The following STPG4 variants were observed in gnomAD, a reference collection of about 807,000 sequenced individuals.
STPG4 encodes sperm-tail PG-rich repeat containing 4.
Under a neutral mutation model 31.5 loss-of-function variants are expected in STPG4, and 41 were observed. The observed-to-expected ratio is 1.30, with a 90% confidence interval of 1.01 to 1.69. The LOEUF is 1.69. Among genes scored for constraint, STPG4 ranks in the 40% most tolerant of loss-of-function variants. The pLI, the probability that STPG4 is intolerant of heterozygous loss-of-function variation, is 0.00. For synonymous variants in STPG4, 141 were observed against 103.0 expected, an observed-to-expected ratio of 1.37 and a Z score of -2.24; for missense variants, 375 against 293.4, an observed-to-expected ratio of 1.28 and a Z score of -2.03.
intron 3 of STPG4, among the ~76,000 whole-genome samples, chr2:47,148,595 T>C (rs1202735603): frequency 6.6e-6 from 1 of 152,196 alleles, no homozygotes; most frequent in Non-Finnish European, 1.5e-5. Context: ...GTTTGTTACA[T>C]ATGTATACAT....
At chr2:47,115,934 G>A (rs1686145127) in intron 5 of STPG4, among the ~76,000 whole-genome samples, 1 of 152,176 alleles carries the variant, frequency 6.6e-6, no homozygotes, top group East Asian at 1.9e-4. Flanking sequence ...GATGACAGGC[G>A]TGAGCCACCA....
intron 3 of STPG4, among the ~76,000 whole-genome samples, chr2:47,148,846 C>T (rs1228332703): frequency 6.6e-6 from 1 of 152,156 alleles, no homozygotes; most frequent in African/African-American, 2.4e-5. Context: ...CATGTCCCTA[C>T]AAAAGACATG....
At chr2:47,150,241 A>C (rs1686909187) in intron 3 of STPG4, among the ~76,000 whole-genome samples, 1 of 152,234 alleles carries the variant, frequency 6.6e-6, no homozygotes. Flanking sequence ...TAAGCCACGG[A>C]GCTTTCCAGC....
chr2:47,150,620 A>G (rs1686915331), intron 3 of STPG4, among the ~76,000 whole-genome samples: 1 of 150,748 alleles, frequency 6.6e-6, no homozygotes, highest in Non-Finnish European at 1.5e-5. Context: ...GGCTCAAGGG[A>G]TCCTCCTGCC....
chr2:47,102,081 G>C (rs1685813121), intron 5 of STPG4, among the ~76,000 whole-genome samples: 1 of 151,804 alleles, frequency 6.6e-6, no homozygotes, highest in Middle Eastern at 3.2e-3. Flanking sequence ...CATGTGGTCT[G>C]GGAGGAAAAC....
intron 5 of STPG4, among the ~76,000 whole-genome samples, chr2:47,115,495 T>C (rs572333299): frequency 4.1e-4 from 63 of 152,164 alleles, no homozygotes; most frequent in Non-Finnish European, 6.2e-4. Context: ...TGGCTAAATA[T>C]AGAATCCTAA....
At chr2:47,099,817 A>G (rs1685753088) in intron 5 of STPG4, among the ~76,000 whole-genome samples, 3 of 152,222 alleles carry the variant, frequency 2.0e-5, no homozygotes, top group Non-Finnish European at 2.9e-5. Flanking sequence ...GGTGGGCCCC[A>G]CACTCAGAGC....
Position 47,150,649 on chromosome 2 carries a change from A to AT in STPG4, c.399+608dup, listed in dbSNP as rs58432759. Among the ~76,000 whole-genome samples, 1,071 of 144,242 alleles carry AT rather than the reference A, an allele frequency of 7.4e-3. 6 individuals are homozygous for AT. The highest frequency in any genetic ancestry group is 0.012 in the Non-Finnish European group (791 of 65,716). The allele number at this position is 144,242 out of a possible 152,430, so 94.6% of individuals were successfully genotyped here. On this transcript the variant is annotated intron_variant, in intron 3 of 6. Transcript: ENST00000445927. ...TCCTGCCCTGGCTTCCCAAGTAGCT[A>AT]TTTTTTTTTTTTTTTTAAAGAGTTG...
At chr2:47,148,356 G>A (rs1007988489) in intron 3 of STPG4, among the ~76,000 whole-genome samples, 1 of 151,322 alleles carries the variant, frequency 6.6e-6, no homozygotes, top group African/African-American at 2.4e-5. Context: ...GGGATCAATC[G>A]TACCCCAAAC....
Position 47,087,138 on chromosome 2 carries a change from C to G in STPG4, c.625-8G>C. On this transcript the variant is annotated splice_polypyrimidine_tract_variant and splice_region_variant and intron_variant, in intron 6 of 6. Transcript: ENST00000445927. Reference sequence around the variant, plus strand: ...TCCTGGGCCTGGGGTTTTCTGAAAACAGAGCAGAAAACAGGGACTGATGAG... The same window carrying G: ...TCCTGGGCCTGGGGTTTTCTGAAAAGAGAGCAGAAAACAGGGACTGATGAG... 2.6e-6 allele frequency: 4 copies of G among 1,551,560 alleles called. No individual in the cohort carries two copies. Among genetic ancestry groups the G allele is most frequent in the South Asian group, 1.2e-5 (1 of 84,058 alleles).
chr2:47,095,916 C>T (rs1285878375), intron 5 of STPG4, among the ~76,000 whole-genome samples: 4 of 152,184 alleles, frequency 2.6e-5, no homozygotes, highest in Admixed American at 1.3e-4. Flanking sequence ...TTCCTGCCCA[C>T]TGGGCCCCTG....
At chr2:47,102,326 C>A (rs1319393548) in intron 5 of STPG4, among the ~76,000 whole-genome samples, 1 of 151,848 alleles carries the variant, frequency 6.6e-6, no homozygotes, top group East Asian at 1.9e-4. Context: ...TCAACAGGCC[C>A]ACCCTTGAAA....
chr2:47,136,801 C>T (rs1035980760), intron 3 of STPG4, among the ~76,000 whole-genome samples: 8 of 152,132 alleles, frequency 5.3e-5, no homozygotes, highest in African/African-American at 1.9e-4. Context: ...GGTATATATA[C>T]CAGTATATAG....
At chr2:47,121,977 G>C (rs1488805740) in intron 5 of STPG4, among the ~76,000 whole-genome samples, 1 of 151,622 alleles carries the variant, frequency 6.6e-6, no homozygotes, top group Non-Finnish European at 1.5e-5. Context: ...GCCATGTAAG[G>C]TAACATCCAT....
chr2:47,094,820 C>G (rs534990994), intron 5 of STPG4, among the ~76,000 whole-genome samples: 1 of 152,246 alleles, frequency 6.6e-6, no homozygotes, highest in South Asian at 2.1e-4. Flanking sequence ...TCTGTCATAC[C>G]GCGAAGAAGC....
intron 2 of STPG4, 118 bp downstream of exon 2, chr2:47,152,839 C>A: frequency 1.5e-6 from 1 of 653,952 alleles, no homozygotes; most frequent in Non-Finnish European, 2.4e-6. Context: ...GAGGTCCATG[C>A]AGATCTGAAC....
At chr2:47,150,451 G>A (rs995536208) in intron 3 of STPG4, among the ~76,000 whole-genome samples, 8 of 151,968 alleles carry the variant, frequency 5.3e-5, no homozygotes. Flanking sequence ...ATGAACTGGT[G>A]GAGCTGAGAG....
chr2:47,087,623 A>C (rs1267818180), intron 6 of STPG4, among the ~76,000 whole-genome samples: 1 of 152,222 alleles, frequency 6.6e-6, no homozygotes, highest in Non-Finnish European at 1.5e-5. Flanking sequence ...GAGTTATTAA[A>C]GTAAGGTGTT....
rs909989758 is a variant in STPG4 at position 47,129,763 on chromosome 2, T to C, written c.519+178A>G. The C allele has an allele frequency of 2.3e-5, 16 of 682,574 alleles. No homozygotes were observed. The African/African-American group carries it at 2.7e-4, about 12-fold the overall frequency. The allele number at this position is 682,574 out of a possible 1,614,324, so 42.3% of individuals were successfully genotyped here. A position where few individuals can be genotyped will look rare whatever the true frequency, so the allele number is the denominator to read the frequency against. On this transcript the variant is annotated intron_variant, in intron 5 of 6. Transcript: ENST00000445927. ...AAACCTGGTATTGCGATCCCACACT[T>C]GCTTTTTGGTTCTTACAGAGGTGTT... is the stretch of plus-strand genomic sequence containing the variant.
Sources: gnomAD v4.1 joint callset for allele counts (sites outside exome capture counted in the v4.1 genomes callset) on GRCh38, gnomAD v4.1.1 for gene constraint, MANE v1.5 for transcripts, NCBI Gene and HGNC (gene_info 2026-07-23, HGNC 2026-07-21) for gene names.